Variants in CUX2 observed in about 807,000 individuals in gnomAD.
CUX2 encodes the protein homeobox protein cut-like 2.
A neutral mutation model predicts 144.8 loss-of-function variants in CUX2; 40 were observed. The observed-to-expected ratio is 0.28, with a 90% CI of 0.21 to 0.36. The LOEUF (loss-of-function observed/expected upper bound fraction) is 0.36. Among genes scored for constraint, CUX2 ranks in the 10% least tolerant of loss-of-function variants. The pLI is 1.00. For synonymous variants in CUX2, 827 were observed against 875.6 expected, an observed-to-expected ratio of 0.94 and a Z score of 0.98; for missense variants, 1,615 against 1,994.0, an observed-to-expected ratio of 0.81 and a Z score of 3.62.
chr12:111,223,025 G>A (rs1881933394), intron 3 of CUX2, among the ~76,000 whole-genome samples: 1 of 152,150 alleles, frequency 6.6e-6, no homozygotes, highest in South Asian at 2.1e-4. Flanking sequence ...TGGTATGAGG[G>A]AGAGCAAGCA....
intron 18 of CUX2, among the ~76,000 whole-genome samples, chr12:111,327,044 G>A (rs549025094): frequency 9.9e-5 from 15 of 152,026 alleles, no homozygotes; most frequent in African/African-American, 2.2e-4. Flanking sequence ...TATTCCCACC[G>A]CCCCAAAAAG....
At chr12:111,258,413 T>C (rs1883941705) in intron 3 of CUX2, among the ~76,000 whole-genome samples, 2 of 150,510 alleles carry the variant, frequency 1.3e-5, no homozygotes, top group Non-Finnish European at 2.9e-5. Flanking sequence ...CTCAAGAGGC[T>C]GAGGCAGGAG....
chr12:111,163,487 C>T (rs1877916440), intron 1 of CUX2, among the ~76,000 whole-genome samples: 1 of 152,068 alleles, frequency 6.6e-6, no homozygotes, highest in Non-Finnish European at 1.5e-5. Flanking sequence ...AGGATGTAAC[C>T]CTAGGGCTGT....
intron 1 of CUX2, among the ~76,000 whole-genome samples, chr12:111,135,485 T>G (rs1483916974): frequency 1.3e-5 from 2 of 152,148 alleles, no homozygotes; most frequent in Non-Finnish European, 2.9e-5. Context: ...CCCAGGAATA[T>G]ACCCAAAAAA....
At chr12:111,047,239 G>A (rs1280248353) in intron 1 of CUX2, among the ~76,000 whole-genome samples, 4 of 152,224 alleles carry the variant, frequency 2.6e-5, no homozygotes, top group Non-Finnish European at 4.4e-5. Context: ...GATTGCTGCC[G>A]TGGTCATTAT....
rs1454427182 is a variant in CUX2 at position 111,034,169 on chromosome 12, G to GC, written c.-4dup. 2 of 1,397,060 alleles carry GC rather than the reference G, an allele frequency of 1.4e-6. No individual in the cohort carries two copies. Among genetic ancestry groups the GC allele is most frequent in the Non-Finnish European group, 1.9e-6 (2 of 1,046,056 alleles). 86.5% of individuals were successfully genotyped at this position (1,397,060 alleles called of 1,614,324 possible). A position where few individuals can be genotyped will look rare whatever the true frequency, so the allele number is the denominator to read the frequency against. ...ACTCTTGTGTGTGCGCGTCTCGATA[G>GC]CCCCCAAGATGGCCGCCAATGTGGG... On this transcript the variant is annotated 5_prime_UTR_variant, in exon 1 of 22. Transcript: ENST00000261726. This position sits in a 1 kb window ranked among gnomAD's most constrained non-coding sequence, Gnocchi z 4.2.
At chr12:111,172,931 C>T (rs879625102) in intron 1 of CUX2, among the ~76,000 whole-genome samples, 5 of 152,200 alleles carry the variant, frequency 3.3e-5, no homozygotes, top group East Asian at 1.9e-4. Context: ...AGCAAACTGC[C>T]GTGCAGCATC....
chr12:111,113,826 G>A (rs933431660), intron 1 of CUX2, among the ~76,000 whole-genome samples: 6 of 152,204 alleles, frequency 3.9e-5, no homozygotes, highest in African/African-American at 1.4e-4. Flanking sequence ...CAAAGTGCAG[G>A]GATTACAGGC....
intron 1 of CUX2, among the ~76,000 whole-genome samples, chr12:111,058,517 G>C (rs1870625691): frequency 2.6e-5 from 4 of 152,180 alleles, no homozygotes; most frequent in South Asian, 4.1e-4. Context: ...GGGAGGAAGG[G>C]AGAACACTGA....
At chr12:111,161,523 G>C (rs1877765410) in intron 1 of CUX2, among the ~76,000 whole-genome samples, 1 of 152,188 alleles carries the variant, frequency 6.6e-6, no homozygotes, top group Non-Finnish European at 1.5e-5. Flanking sequence ...TGTCCGCCCT[G>C]ACTACCTATT....
intron 1 of CUX2, among the ~76,000 whole-genome samples, chr12:111,138,557 A>G (rs1453651400): frequency 6.6e-6 from 1 of 152,044 alleles, no homozygotes; most frequent in Non-Finnish European, 1.5e-5. Flanking sequence ...TCCCTCCTCC[A>G]TGGACTGCTA....
intron 1 of CUX2, among the ~76,000 whole-genome samples, chr12:111,156,984 T>TAAAAA (rs1250032527): frequency 1.2e-4 from 2 of 17,060 alleles, no homozygotes; most frequent in Non-Finnish European, 1.8e-4. Flanking sequence ...AAAACTTCTC[T>TAAAAA]CAAAAAAAAA....
chr12:111,036,667 G>T (rs1869471023), intron 1 of CUX2, among the ~76,000 whole-genome samples: 1 of 150,838 alleles, frequency 6.6e-6, no homozygotes, highest in South Asian at 2.1e-4. Flanking sequence ...TGGCTAGTGT[G>T]TCTGGCACAC....
intron 4 of CUX2, among the ~76,000 whole-genome samples, chr12:111,284,712 G>A (rs781595133): frequency 6.6e-5 from 10 of 152,152 alleles, no homozygotes; most frequent in Non-Finnish European, 1.2e-4. Flanking sequence ...CTACAGAGCC[G>A]CACTTTGAGC....
intron 1 of CUX2, among the ~76,000 whole-genome samples, chr12:111,063,931 A>G (rs1870914365): frequency 6.6e-6 from 1 of 152,210 alleles, no homozygotes; most frequent in Non-Finnish European, 1.5e-5. Context: ...GCACCAGCCA[A>G]GTAGGTAGCT....
intron 1 of CUX2, among the ~76,000 whole-genome samples, chr12:111,185,257 T>C (rs541762128): frequency 1.7e-4 from 26 of 152,366 alleles, no homozygotes; most frequent in Non-Finnish European, 2.1e-4. Context: ...TTTTATCCTA[T>C]GCATATCATA....
intron 1 of CUX2, among the ~76,000 whole-genome samples, chr12:111,073,623 A>G (rs764125154): frequency 7.9e-5 from 12 of 152,024 alleles, no homozygotes; most frequent in Non-Finnish European, 1.5e-4. Context: ...TCTGGCCTCT[A>G]TCTACTCAGT....
chr12:111,275,447 C>T (rs1331619905), intron 4 of CUX2, among the ~76,000 whole-genome samples: 1 of 152,190 alleles, frequency 6.6e-6, no homozygotes, highest in East Asian at 1.9e-4. Flanking sequence ...AAGTCCCGCT[C>T]ACACCCCTGC....
chr12:111,311,600 A>T (rs200054403), intron 15 of CUX2, among the ~76,000 whole-genome samples: 30,412 of 137,444 alleles, frequency 0.22, 4,859 homozygotes, highest in East Asian at 0.73. Flanking sequence ...CTTTATTATT[A>T]TTATTTTTTT....
Sources: gnomAD v4.1 joint callset for allele counts (sites outside exome capture counted in the v4.1 genomes callset) on GRCh38, gnomAD v4.1.1 for gene constraint, Gnocchi (gnomAD v3.1) non-coding constraint, MANE v1.5 for transcripts, NCBI Gene and HGNC (gene_info 2026-07-23, HGNC 2026-07-21) for gene names.